Variants in NBAS observed in about 807,000 individuals in gnomAD.
The protein encoded by NBAS is NBAS subunit of NRZ tethering complex.
Under a neutral mutation model 302.5 loss-of-function variants are expected in NBAS, and 219 were observed. The observed-to-expected ratio is 0.72, with a 90% CI of 0.65 to 0.81. The LOEUF is 0.81. Ranked by LOEUF, NBAS falls within the 30% of genes least tolerant of loss-of-function variation. The pLI is 0.00. For missense variants in NBAS, 2,932 were observed against 2,841.6 expected, an observed-to-expected ratio of 1.03 and a Z score of -0.72; for synonymous variants, 1,118 against 1,021.6, an observed-to-expected ratio of 1.09 and a Z score of -1.80.
Position 15,379,625 on chromosome 2 carries a change from A to G in NBAS, c.3567T>C (p.Thr1189=). 1 of 1,613,894 alleles carries G rather than the reference A, an allele frequency of 6.2e-7. No homozygotes were observed. Among genetic ancestry groups the G allele is most frequent in the Non-Finnish European group, 8.5e-7 (1 of 1,179,938 alleles). Residue 1189 remains threonine, a synonymous_variant, in exon 30 of 52, where the codon ACT becomes ACC. Transcript: ENST00000281513. The stretch of plus-strand genomic sequence containing the variant: ...ACCTGGCTAGATCCATGCAGCTATC[A>G]GTGAGGTTGGTAGAAGAATTGAAGT... ...REYFNSSTNL[T]DSCMDLARCC...
chr2:14,848,487 G>A, the NBAS span, among the ~76,000 whole-genome samples: 1 of 144,180 alleles, frequency 6.9e-6, no homozygotes, highest in African/African-American at 2.9e-5. Flanking sequence ...CAAGGCGGCA[G>A]CGAGGCTGGG....
At chr2:15,402,629 G>A (rs1676210649) in intron 25 of NBAS, among the ~76,000 whole-genome samples, 1 of 152,128 alleles carries the variant, frequency 6.6e-6, no homozygotes, top group African/African-American at 2.4e-5. Flanking sequence ...TTCTAACCCT[G>A]AAGCCAAATT....
chr2:15,106,144 A>G, the NBAS span, among the ~76,000 whole-genome samples: 3 of 152,172 alleles, frequency 2.0e-5, no homozygotes, highest in South Asian at 2.1e-4. Context: ...AATGCTGAAC[A>G]TGAATTTGGC....
intron 21 of NBAS, among the ~76,000 whole-genome samples, chr2:15,441,174 T>C (rs1177499154): frequency 1.5e-4 from 23 of 152,216 alleles, no homozygotes; most frequent in Admixed American, 3.9e-4. Context: ...AGATACTCAT[T>C]GAGAAGAGCA....
At chr2:14,823,586 C>G in the NBAS span, among the ~76,000 whole-genome samples, 1 of 152,160 alleles carries the variant, frequency 6.6e-6, no homozygotes, top group African/African-American at 2.4e-5. Flanking sequence ...TATCCCATGT[C>G]CCATTACAAC....
the NBAS span, among the ~76,000 whole-genome samples, chr2:15,020,683 A>G: frequency 6.6e-6 from 1 of 152,190 alleles, no homozygotes; most frequent in South Asian, 2.1e-4. Flanking sequence ...GATTGGAAAC[A>G]AAAAGAGACT....
chr2:15,074,679 C>G, the NBAS span, among the ~76,000 whole-genome samples: 1 of 151,536 alleles, frequency 6.6e-6, no homozygotes, highest in Admixed American at 6.6e-5. Context: ...TAAACAAAAC[C>G]AAAAGACAAA....
chr2:15,351,870 G>GCACACGCACA, intron 35 of NBAS, 122 bp downstream of exon 35: 1 of 700,834 alleles, frequency 1.4e-6, no homozygotes, highest in African/African-American at 1.8e-5. Flanking sequence ...TGGTCTGCAT[G>GCACACGCACA]CACACACACA....
At chr2:15,271,035 C>A (rs959681511) in intron 44 of NBAS, among the ~76,000 whole-genome samples, 5 of 152,186 alleles carry the variant, frequency 3.3e-5, no homozygotes, top group Non-Finnish European at 5.9e-5. Flanking sequence ...AGCTACAATG[C>A]AACCTTTTGA....
At chr2:14,821,278 G>C in the NBAS span, among the ~76,000 whole-genome samples, 776 of 152,250 alleles carry the variant, frequency 5.1e-3, 13 homozygotes, top group African/African-American at 0.018. Flanking sequence ...TAGGTGGCTT[G>C]GTGGTCAGAA....
the NBAS span, among the ~76,000 whole-genome samples, chr2:15,005,712 T>C: frequency 0.027 from 4,135 of 152,298 alleles, 185 homozygotes; most frequent in East Asian, 0.089. Context: ...TAAGAAAACA[T>C]GTGACCCTAA....
intron 2 of NBAS, among the ~76,000 whole-genome samples, 171 bp downstream of exon 2, chr2:15,558,409 C>T (rs1039047071): frequency 3.3e-5 from 5 of 151,808 alleles, no homozygotes; most frequent in South Asian, 2.1e-4. Flanking sequence ...AACGTGCATG[C>T]GTAAATATAC....
chr2:15,209,817 C>A (rs1250114391), intron 48 of NBAS, among the ~76,000 whole-genome samples: 1 of 152,046 alleles, frequency 6.6e-6, no homozygotes, highest in Non-Finnish European at 1.5e-5. Flanking sequence ...AAAGATAAAT[C>A]CAAGCATCTA....
chr2:14,821,633 C>T, the NBAS span, among the ~76,000 whole-genome samples: 1 of 152,088 alleles, frequency 6.6e-6, no homozygotes, highest in East Asian at 1.9e-4. Flanking sequence ...ATAAAACAGC[C>T]AAGAAGAGAA....
chr2:15,110,415 AC>A, the NBAS span, among the ~76,000 whole-genome samples: 4 of 152,284 alleles, frequency 2.6e-5, no homozygotes, highest in South Asian at 6.2e-4. Flanking sequence ...TGTTCTAGTA[AC>A]TTCTAATACA....
chr2:15,105,284 A>G, the NBAS span, among the ~76,000 whole-genome samples: 1 of 152,100 alleles, frequency 6.6e-6, no homozygotes, highest in African/African-American at 2.4e-5. Context: ...GGGAGGGATA[A>G]TATTAGGAGA....
intron 23 of NBAS, among the ~76,000 whole-genome samples, chr2:15,423,450 T>C (rs1677306084): frequency 6.6e-6 from 1 of 152,186 alleles, no homozygotes. Flanking sequence ...TGGGTCATGC[T>C]AGATAAACTA....
the NBAS span, among the ~76,000 whole-genome samples, chr2:14,905,452 C>T: frequency 1.3e-5 from 2 of 152,148 alleles, no homozygotes; most frequent in Admixed American, 1.3e-4. Flanking sequence ...CTCCTGTGCC[C>T]AGCTGTCCCG....
At chr2:14,858,303 C>T in the NBAS span, among the ~76,000 whole-genome samples, 1 of 152,258 alleles carries the variant, frequency 6.6e-6, no homozygotes, top group African/African-American at 2.4e-5. Flanking sequence ...AACAAACCCA[C>T]TGCTGGGTAT....
Sources: allele counts gnomAD v4.1 joint callset (sites outside exome capture counted in the v4.1 genomes callset), GRCh38; gene constraint gnomAD v4.1.1; transcripts MANE v1.5; gene names NCBI Gene and HGNC (gene_info 2026-07-23, HGNC 2026-07-21).